Variants in TMEM53 observed in about 807,000 individuals in gnomAD.
TMEM53 encodes the protein transmembrane protein 53, also known as novel DUF829 domain-containing protein.
In TMEM53, 14 loss-of-function variants were observed where a neutral mutation model predicts 21.4. The observed-to-expected ratio is 0.65, with a 90% CI of 0.43 to 1.02. TMEM53 has a LOEUF of 1.02. TMEM53 is among the 50% of genes least tolerant of loss of function. TMEM53 has a pLI of 0.00. For synonymous variants in TMEM53, 148 were observed against 157.4 expected (o/e 0.94, Z 0.45); for missense variants, 323 against 383.6 (o/e 0.84, Z 1.32).
intron 1 of TMEM53, 77 bp downstream of exon 1, chr1:44,674,254 G>A: frequency 1.3e-6 from 2 of 1,516,262 alleles, no homozygotes; most frequent in Middle Eastern, 1.8e-4. Context: ...CATGAGGGGC[G>A]GGGCTACAGC....
intron 1 of TMEM53, among the ~76,000 whole-genome samples, chr1:44,667,804 T>C (rs1644962548): frequency 6.6e-6 from 1 of 151,954 alleles, no homozygotes; most frequent in African/African-American, 2.4e-5. Flanking sequence ...AGTTGAGAAG[T>C]CAAAGAGGCC....
At chr1:44,661,771 T>C (rs571729126) in intron 1 of TMEM53, among the ~76,000 whole-genome samples, 148 of 152,226 alleles carry the variant, frequency 9.7e-4, no homozygotes, top group African/African-American at 3.4e-3. Flanking sequence ...TCCAGCACCA[T>C]CTGTGCTGCC....
At position 44,655,278 on chromosome 1, in the gene TMEM53, G is replaced by C. The variant is rs574118533; in HGVS notation, c.184-69C>G. The C allele has an allele frequency of 6.8e-7, 1 of 1,473,810 alleles. No homozygotes were observed. The highest frequency in any genetic ancestry group is 9.1e-7 in the Non-Finnish European group (1 of 1,099,390). The allele number at this position is 1,473,810 out of a possible 1,614,324, so 91.3% of individuals were successfully genotyped here. On this transcript the variant is annotated intron_variant, in intron 2 of 2. Coordinates refer to ENST00000372237, the MANE Select transcript of TMEM53 (RefSeq NM_024587.4). The surrounding 1 kb of genome is among the most constrained non-coding windows in gnomAD (Gnocchi z 4.4). ...TAGTGGGTACAAGCTAAGGTCAGAG[G>C]GGCCCAGCAACCCCAGCCTGTAGGA... is the stretch of plus-strand genomic sequence containing the variant.
At chr1:44,661,829 A>G (rs1159043082) in intron 1 of TMEM53, among the ~76,000 whole-genome samples, 1 of 152,112 alleles carries the variant, frequency 6.6e-6, no homozygotes. Flanking sequence ...ACCAGCCGCC[A>G]CCACCACCAG....
chr1:44,656,248 A>G (rs970528800), intron 2 of TMEM53, among the ~76,000 whole-genome samples: 15 of 152,232 alleles, frequency 9.9e-5, no homozygotes, highest in South Asian at 2.1e-4. Context: ...TTGGGATAAC[A>G]CCCACCTCAT....
intron 1 of TMEM53, among the ~76,000 whole-genome samples, chr1:44,666,992 T>C (rs1433460777): frequency 1.3e-5 from 2 of 151,944 alleles, no homozygotes; most frequent in African/African-American, 2.4e-5. Context: ...TACAGGCACA[T>C]GGTACCACAC....
chr1:44,654,443 C>T lies in TMEM53; in HGVS notation c.*116G>A, dbSNP rs956265923. 1.2e-5 allele frequency: 15 copies of T among 1,281,372 alleles called. No individual in the cohort carries two copies. The highest frequency in any genetic ancestry group is 7.0e-5 in the East Asian group (3 of 42,882). 79.4% of individuals were successfully genotyped at this position (1,281,372 alleles called of 1,614,324 possible). On this transcript the variant is annotated 3_prime_UTR_variant, in exon 3 of 3. Transcript: ENST00000372237. This position sits in a 1 kb window ranked among gnomAD's most constrained non-coding sequence, Gnocchi z 7.0. ...CATAGGAATTTTCTACTTAGGGGAC[C>T]GCAAAGTCCCAAAGGGCTACAGGGA...
chr1:44,674,247 G>A, intron 1 of TMEM53, 84 bp downstream of exon 1: 1 of 1,509,400 alleles, frequency 6.6e-7, no homozygotes, highest in South Asian at 1.3e-5. Context: ...GGGGCCGCAT[G>A]AGGGGCGGGG....
intron 1 of TMEM53, among the ~76,000 whole-genome samples, chr1:44,665,573 T>G (rs1177308145): frequency 6.7e-6 from 1 of 148,634 alleles, no homozygotes; most frequent in Non-Finnish European, 1.5e-5. Flanking sequence ...AGGCGGAGGT[T>G]GCAGTAAGCA....
chr1:44,659,047 G>A (rs1249072709), intron 2 of TMEM53, among the ~76,000 whole-genome samples: 4 of 152,202 alleles, frequency 2.6e-5, no homozygotes, highest in Non-Finnish European at 5.9e-5. Context: ...CGAGCCCAGT[G>A]AGCAGAACTC....
At chr1:44,658,776 T>A (rs1036829045) in intron 2 of TMEM53, among the ~76,000 whole-genome samples, 1 of 152,136 alleles carries the variant, frequency 6.6e-6, no homozygotes, top group Non-Finnish European at 1.5e-5. Flanking sequence ...GGTCTTGAAC[T>A]CCTGACCTCA....
rs866050179 is a variant in TMEM53, at chr1:44,655,575, T to G, written c.184-366A>C. On this transcript the variant is annotated intron_variant, in intron 2 of 2. Coordinates refer to ENST00000372237, the MANE Select transcript of TMEM53 (RefSeq NM_024587.4). The surrounding 1 kb of genome is among the most constrained non-coding windows in gnomAD (Gnocchi z 4.4). ...CTCCTGTCTGTGCCCCGCACTCCCA[T>G]CCTAGGCCTTGCACATTTGGGATGG... Among the ~76,000 whole-genome samples, 62 of 152,232 alleles carry G rather than the reference T, an allele frequency of 4.1e-4. No individual in the cohort carries two copies. The highest frequency in any genetic ancestry group is 1.4e-3 in the African/African-American group (58 of 41,540).
At position 44,654,974 on chromosome 1, in the gene TMEM53, G is replaced by A. The variant is rs761127411; in HGVS notation, c.419C>T (p.Thr140Ile). 3.7e-6 allele frequency: 6 copies of A among 1,613,944 alleles called. No homozygotes were observed. In the Admixed American group the frequency reaches 6.7e-5, roughly 18 times the overall value. Residue 140 changes from threonine to isoleucine, a missense_variant, in exon 3 of 3, where the codon ACC becomes ATC. This residue lies in a region of TMEM53 where 269 missense variants were observed against 334.5 expected (regional missense o/e 0.80). Coordinates refer to ENST00000372237, the MANE Select transcript of TMEM53 (RefSeq NM_024587.4). This position sits in a 1 kb window ranked among gnomAD's most constrained non-coding sequence, Gnocchi z 7.0. ...GTCACCAGGAGCGCTGTCAAAGATG[G>A]TGCCCACCACACGCAGGCGGCAGAA... is the stretch of plus-strand genomic sequence containing the variant. ...RRFCRLRVVG[T>I]IFDSAPGDSN...
At position 44,654,476 on chromosome 1, in the gene TMEM53, G is replaced by T; in HGVS notation, c.*83C>A. The T allele has an allele frequency of 1.3e-6, 2 of 1,502,484 alleles. No homozygotes were observed. Among genetic ancestry groups the T allele is most frequent in the Non-Finnish European group, 9.0e-7 (1 of 1,109,244 alleles). The allele number at this position is 1,502,484 out of a possible 1,614,324, so 93.1% of individuals were successfully genotyped here. A position where few individuals can be genotyped will look rare whatever the true frequency, so the allele number is the denominator to read the frequency against. The stretch of plus-strand genomic sequence containing the variant: ...CCCAAAGGGCTACAGGGAGTTGAAC[G>T]AGAAGAGTGCCCGACAGATTGCAGG... On this transcript the variant is annotated 3_prime_UTR_variant, in exon 3 of 3. Transcript: ENST00000372237. This position sits in a 1 kb window ranked among gnomAD's most constrained non-coding sequence, Gnocchi z 7.0.
chr1:44,671,509 C>T (rs1331567682), intron 1 of TMEM53, among the ~76,000 whole-genome samples: 6 of 152,212 alleles, frequency 3.9e-5, no homozygotes, highest in East Asian at 1.9e-4. Flanking sequence ...TACCTGTAAT[C>T]GCAGCACTTT....
intron 1 of TMEM53, among the ~76,000 whole-genome samples, chr1:44,661,826 GCCA>G (rs972560892): frequency 6.6e-5 from 10 of 152,126 alleles, no homozygotes; most frequent in African/African-American, 2.2e-4. Flanking sequence ...CAAACCAGCC[GCCA>G]CCACCACCAG....
chr1:44,670,366 C>T (rs1347195635), intron 1 of TMEM53, among the ~76,000 whole-genome samples: 1 of 152,142 alleles, frequency 6.6e-6, no homozygotes, highest in Non-Finnish European at 1.5e-5. Flanking sequence ...TGTCCCCCTT[C>T]AGGGATTTAC....
chr1:44,672,573 A>T (rs962595391), intron 1 of TMEM53, among the ~76,000 whole-genome samples: 6 of 152,208 alleles, frequency 3.9e-5, no homozygotes, highest in African/African-American at 1.4e-4. Flanking sequence ...CCAACAGGCT[A>T]GAATGTTTGG....
At chr1:44,663,954 A>G (rs1644924237) in intron 1 of TMEM53, among the ~76,000 whole-genome samples, 1 of 152,156 alleles carries the variant, frequency 6.6e-6, no homozygotes, top group South Asian at 2.1e-4. Flanking sequence ...TGAGCCCAAG[A>G]GTTCAAGACC....
Sources: gnomAD v4.1 joint callset for allele counts (sites outside exome capture counted in the v4.1 genomes callset) on GRCh38, gnomAD v4.1.1 for gene constraint, gnomAD v4.1.1 regional missense constraint, Gnocchi (gnomAD v3.1) non-coding constraint, MANE v1.5 for transcripts, NCBI Gene and HGNC (gene_info 2026-07-23, HGNC 2026-07-21) for gene names.